Variants in KCNIP4 observed in about 807,000 individuals in gnomAD.
KCNIP4 encodes potassium voltage-gated channel interacting protein 4, also known as Kv channel-interacting protein 4.
A neutral mutation model predicts 34.0 loss-of-function variants in KCNIP4; 12 were observed. The ratio of observed to expected loss-of-function variants is 0.35; its 90% CI spans 0.23 to 0.57. The LOEUF is 0.57. KCNIP4 is among the 20% of genes least tolerant of loss of function. The pLI is 0.83. For synonymous variants in KCNIP4, 124 were observed against 102.2 expected, an observed-to-expected ratio of 1.21 and a Z score of -1.29; for missense variants, 238 against 311.7, an observed-to-expected ratio of 0.76 and a Z score of 1.78.
At chr4:21,501,556 G>A (rs6820184) in intron 1 of KCNIP4, among the ~76,000 whole-genome samples, 8,826 of 151,942 alleles carry the variant, frequency 0.058, 651 homozygotes, top group African/African-American at 0.16. Context: ...AAGAAATAGC[G>A]AGATGAACAA....
chr4:21,713,678 G>T (rs1713922041), intron 1 of KCNIP4, among the ~76,000 whole-genome samples: 1 of 152,092 alleles, frequency 6.6e-6, no homozygotes, highest in South Asian at 2.1e-4. Flanking sequence ...ACCTTACTCT[G>T]CTATTGAACA....
At chr4:21,652,038 G>A (rs1334147697) in intron 1 of KCNIP4, among the ~76,000 whole-genome samples, 1 of 152,022 alleles carries the variant, frequency 6.6e-6, no homozygotes, top group Non-Finnish European at 1.5e-5. Flanking sequence ...CCCTAACACC[G>A]ACATTGCGAA....
At chr4:21,906,256 A>G (rs1477970108) in intron 1 of KCNIP4, among the ~76,000 whole-genome samples, 1 of 152,150 alleles carries the variant, frequency 6.6e-6, no homozygotes, top group African/African-American at 2.4e-5. Context: ...GGTGTAATAA[A>G]TAAGTTAAGG....
chr4:20,798,104 A>T (rs1409146822), intron 3 of KCNIP4, among the ~76,000 whole-genome samples: 2 of 152,228 alleles, frequency 1.3e-5, no homozygotes, highest in African/African-American at 2.4e-5. Context: ...TTCTGAACAC[A>T]TTCATTAAGT....
chr4:21,327,011 T>G (rs1715149975), intron 1 of KCNIP4, among the ~76,000 whole-genome samples: 1 of 152,032 alleles, frequency 6.6e-6, no homozygotes, highest in Admixed American at 6.5e-5. Flanking sequence ...TCTTAAAAAG[T>G]TGCTGCAGTT....
At chr4:20,963,777 G>A (rs1456186122) in intron 1 of KCNIP4, among the ~76,000 whole-genome samples, 2 of 152,044 alleles carry the variant, frequency 1.3e-5, no homozygotes, top group African/African-American at 4.8e-5. Flanking sequence ...CAGGGGAGGC[G>A]AATAAGTGGG....
intron 1 of KCNIP4, among the ~76,000 whole-genome samples, chr4:21,928,108 C>CTACATA (rs374137681): frequency 2.7e-4 from 39 of 142,754 alleles, no homozygotes; most frequent in Non-Finnish European, 4.1e-4. Context: ...CCAGATTAGA[C>CTACATA]TATATATATA....
chr4:21,043,006 C>T (rs1742097747), intron 1 of KCNIP4, among the ~76,000 whole-genome samples: 1 of 152,160 alleles, frequency 6.6e-6, no homozygotes, highest in South Asian at 2.1e-4. Flanking sequence ...TCAAATTGAT[C>T]AGTTATTGCC....
chr4:21,394,908 T>C (rs1722858724), intron 1 of KCNIP4, among the ~76,000 whole-genome samples: 1 of 152,162 alleles, frequency 6.6e-6, no homozygotes, highest in Admixed American at 6.5e-5. Context: ...TTTTATTACA[T>C]TTCCATTTAT....
chr4:21,237,880 G>A (rs145968523), intron 1 of KCNIP4, among the ~76,000 whole-genome samples: 9,226 of 152,206 alleles, frequency 0.061, 329 homozygotes, highest in East Asian at 0.14. Context: ...TTCATTTTAT[G>A]AGGCCAGTAT....
At chr4:21,908,629 T>C (rs538870457) in intron 1 of KCNIP4, among the ~76,000 whole-genome samples, 1 of 152,312 alleles carries the variant, frequency 6.6e-6, no homozygotes, top group African/African-American at 2.4e-5. Context: ...TATAACGGAC[T>C]GAACTAAGAG....
intron 1 of KCNIP4, among the ~76,000 whole-genome samples, chr4:21,076,949 C>T (rs1421423444): frequency 1.3e-5 from 2 of 151,922 alleles, no homozygotes; most frequent in African/African-American, 2.4e-5. Context: ...ATGGTGAAAC[C>T]CCATCTCTAC....
intron 1 of KCNIP4, among the ~76,000 whole-genome samples, chr4:21,481,723 C>T (rs1018216750): frequency 3.9e-5 from 6 of 152,136 alleles, no homozygotes; most frequent in East Asian, 1.9e-4. Context: ...GTCCACTATA[C>T]GGGGCCACTT....
intron 1 of KCNIP4, among the ~76,000 whole-genome samples, chr4:20,921,959 T>TA (rs1290999976): frequency 5.3e-5 from 8 of 152,378 alleles, no homozygotes; most frequent in African/African-American, 1.7e-4. Flanking sequence ...AAACATTTTT[T>TA]ATCTCAATTA....
chr4:21,099,431 C>T (rs1314970602), intron 1 of KCNIP4, among the ~76,000 whole-genome samples: 7 of 151,816 alleles, frequency 4.6e-5, no homozygotes, highest in Non-Finnish European at 7.4e-5. Context: ...ATGGACACAT[C>T]GGGGGGAACA....
intron 1 of KCNIP4, among the ~76,000 whole-genome samples, chr4:21,916,462 T>A (rs1415333319): frequency 6.6e-6 from 1 of 152,172 alleles, no homozygotes; most frequent in Non-Finnish European, 1.5e-5. Flanking sequence ...ACCTACAAAA[T>A]TTAGGGTATG....
In KCNIP4 at chr4:21,572,809, T is replaced by C. The variant is rs142919901; in HGVS notation, c.61+375762A>G. ...ACCCAGCTAATTTTTGTATTTTTAG[T>C]GAAGATGGGGTTTCTCCATGTTGGC... is the stretch of plus-strand genomic sequence containing the variant. On this transcript the variant is annotated intron_variant, in intron 1 of 8. Transcript: ENST00000382152. 2.2e-3 allele frequency among the ~76,000 whole-genome samples: 342 copies of C among 152,228 alleles called. 3 individuals carry two copies. Among genetic ancestry groups the C allele is most frequent in the African/African-American group, 7.6e-3 (317 of 41,538 alleles).
intron 1 of KCNIP4, among the ~76,000 whole-genome samples, chr4:21,315,660 C>T (rs1713669416): frequency 6.6e-6 from 1 of 152,102 alleles, no homozygotes. Flanking sequence ...ATAATTAGTA[C>T]AAGGTGGGTG....
intron 1 of KCNIP4, among the ~76,000 whole-genome samples, chr4:21,231,794 C>T (rs551622706): frequency 1.7e-4 from 26 of 152,150 alleles, no homozygotes; most frequent in East Asian, 7.7e-4. Context: ...AGAGAGAGGG[C>T]GGCAAGGAAC....
Sources: gnomAD v4.1 joint callset for allele counts (sites outside exome capture counted in the v4.1 genomes callset) on GRCh38, gnomAD v4.1.1 for gene constraint, MANE v1.5 for transcripts, NCBI Gene and HGNC (gene_info 2026-07-23, HGNC 2026-07-21) for gene names.